TMEM39B: variants seen among roughly 807,000 people sequenced by gnomAD.
The protein encoded by TMEM39B is transmembrane protein 39B.
TMEM39B carries 23 observed loss-of-function variants against 52.2 expected under a neutral mutation model. The observed-to-expected ratio is 0.44, with a 90% confidence interval of 0.32 to 0.62. The LOEUF is 0.62. Ranked by LOEUF, TMEM39B falls within the 20% of genes least tolerant of loss-of-function variation. The pLI is 0.06. For synonymous variants in TMEM39B, 285 were observed against 264.0 expected, an observed-to-expected ratio of 1.08 and a Z score of -0.77; for missense variants, 547 against 642.0, an observed-to-expected ratio of 0.85 and a Z score of 1.60.
chr1:32,090,573 G>C lies in TMEM39B; in HGVS notation c.591-1102G>C, dbSNP rs538749394. On this transcript the variant is annotated intron_variant, in intron 5 of 8. Coordinates refer to ENST00000336294, the MANE Select transcript of TMEM39B (RefSeq NM_018056.4). Reference sequence around the variant, plus strand: ...TCAGGTGATCCTCCTACCTCAGCCTGAGTAGCTGGGACTATAGGCATGTAC... The same window carrying C: ...TCAGGTGATCCTCCTACCTCAGCCTCAGTAGCTGGGACTATAGGCATGTAC... Among the ~76,000 whole-genome samples the C allele has an allele frequency of 2.1e-4, 32 of 152,178 alleles. 1 individual carries two copies. Among genetic ancestry groups the C allele is most frequent in the African/African-American group, 6.7e-4 (28 of 41,538 alleles).
At chr1:32,096,177 G>C (rs1279513381) in intron 7 of TMEM39B, among the ~76,000 whole-genome samples, 1 of 152,006 alleles carries the variant, frequency 6.6e-6, no homozygotes, top group Non-Finnish European at 1.5e-5. Context: ...TGTGTCTTTT[G>C]CTTGGGATGG....
chr1:32,092,851 T>C (rs995671620), intron 6 of TMEM39B, among the ~76,000 whole-genome samples: 1 of 152,176 alleles, frequency 6.6e-6, no homozygotes, highest in Non-Finnish European at 1.5e-5. Flanking sequence ...CTGTCCAAGG[T>C]CACCCAGCCA....
chr1:32,087,341 A>T (rs1640399390), intron 5 of TMEM39B, among the ~76,000 whole-genome samples: 1 of 146,444 alleles, frequency 6.8e-6, no homozygotes. Context: ...AAAAAAAAAA[A>T]GGCCGGGTGC....
intron 5 of TMEM39B, among the ~76,000 whole-genome samples, chr1:32,079,115 T>C (rs569850628): frequency 2.0e-4 from 31 of 152,086 alleles, no homozygotes; most frequent in African/African-American, 7.0e-4. Flanking sequence ...CAGGCTGGAG[T>C]GCAGTGGCTA....
At chr1:32,098,757 C>G (rs1640908653) in intron 7 of TMEM39B, among the ~76,000 whole-genome samples, 1 of 152,008 alleles carries the variant, frequency 6.6e-6, no homozygotes, top group South Asian at 2.1e-4. Context: ...AAAGAAAGCT[C>G]ACCGGTCCTA....
intron 5 of TMEM39B, among the ~76,000 whole-genome samples, chr1:32,088,585 G>A: frequency 8.9e-6 from 1 of 112,880 alleles, no homozygotes; most frequent in African/African-American, 3.4e-5. Context: ...TTTTTTTTCT[G>A]ATACAGATTT....
At chr1:32,097,217 A>G (rs1191758288) in intron 7 of TMEM39B, among the ~76,000 whole-genome samples, 1 of 151,978 alleles carries the variant, frequency 6.6e-6, no homozygotes, top group Non-Finnish European at 1.5e-5. Flanking sequence ...AAATGTCCTC[A>G]TGGCCCTTCC....
intron 5 of TMEM39B, among the ~76,000 whole-genome samples, chr1:32,088,082 C>T (rs1258333336): frequency 2.3e-4 from 34 of 148,250 alleles, no homozygotes; most frequent in African/African-American, 6.2e-4. Flanking sequence ...GCTGAGATCT[C>T]GCCACTGTAC....
At chr1:32,094,762 A>G (rs747651041) in intron 6 of TMEM39B, 22 bp from the exon 7 acceptor site, 2 of 1,613,520 alleles carry the variant, frequency 1.2e-6, no homozygotes, top group Non-Finnish European at 1.7e-6. Flanking sequence ...CCCAGGCCTC[A>G]CCCACCTTCT....
chr1:32,077,299 C>T lies in TMEM39B; in HGVS notation c.571C>T (p.Leu191Phe), dbSNP rs1639907984. 6.2e-7 allele frequency: 1 copy of T among 1,614,178 alleles called. No individual in the cohort carries two copies. Residue 191 changes from leucine (L) to phenylalanine (F), a missense_variant, in exon 5 of 9, where the codon CTC becomes TTC. Coordinates refer to ENST00000336294, the MANE Select transcript of TMEM39B (RefSeq NM_018056.4). ...HLFRTYSFLN[L>F]LFLCYPFGMY... ...CTTCAGGACCTACTCCTTCCTGAAC[C>T]TCCTGTTCCTCTGCTATCCGTGAGT...
At chr1:32,102,400 CT>C in intron 8 of TMEM39B, 30 bp from the exon 9 acceptor site, 1 of 1,602,308 alleles carries the variant, frequency 6.2e-7, no homozygotes, top group Non-Finnish European at 8.5e-7. Flanking sequence ...TGGAGCACAC[CT>C]TTTAGCCATG....
At chr1:32,078,550 A>G (rs1175301225) in intron 5 of TMEM39B, among the ~76,000 whole-genome samples, 2 of 152,240 alleles carry the variant, frequency 1.3e-5, no homozygotes, top group African/African-American at 4.8e-5. Context: ...TAACATGGAA[A>G]AAGAAAGTCC....
At chr1:32,081,563 C>T (rs1640102253) in intron 5 of TMEM39B, among the ~76,000 whole-genome samples, 3 of 152,118 alleles carry the variant, frequency 2.0e-5, no homozygotes. Context: ...GCCTGGCCAT[C>T]ATGGTGAAAC....
At chr1:32,090,893 G>C (rs1334566911) in intron 5 of TMEM39B, among the ~76,000 whole-genome samples, 2 of 152,038 alleles carry the variant, frequency 1.3e-5, no homozygotes, top group East Asian at 1.9e-4. Flanking sequence ...GCCCACCTCA[G>C]CCTCCCAAAG....
At chr1:32,080,665 ACT>A (rs1257187749) in intron 5 of TMEM39B, among the ~76,000 whole-genome samples, 2 of 137,780 alleles carry the variant, frequency 1.5e-5, no homozygotes, top group African/African-American at 5.6e-5. Flanking sequence ...ACAGAGTGAG[ACT>A]CTGTCTCAAA....
chr1:32,097,813 T>A (rs1445905630), intron 7 of TMEM39B, among the ~76,000 whole-genome samples: 1 of 151,788 alleles, frequency 6.6e-6, no homozygotes, highest in Non-Finnish European at 1.5e-5. Flanking sequence ...CCTGGCTAAT[T>A]TTTTGTATTT....
intron 4 of TMEM39B, 85 bp downstream of exon 4, chr1:32,076,931 G>T (rs1639887398): frequency 1.3e-6 from 2 of 1,491,338 alleles, no homozygotes; most frequent in Admixed American, 3.4e-5. Context: ...CAGCCCTTCA[G>T]CCTTAGGGTA....
chr1:32,080,817 A>C (rs1276478531), intron 5 of TMEM39B, among the ~76,000 whole-genome samples: 1 of 152,072 alleles, frequency 6.6e-6, no homozygotes, highest in East Asian at 1.9e-4. Flanking sequence ...ATGTTTATTG[A>C]CCAAATATAA....
Position 32,094,770 on chromosome 1 carries a change from T to C in TMEM39B, c.928-14T>C, listed in dbSNP as rs1217980880. On this transcript the variant is annotated splice_polypyrimidine_tract_variant and intron_variant, in intron 6 of 8. Transcript: ENST00000336294. Reference sequence around the variant, plus strand: ...TGGGGATCCCAGGCCTCACCCACCTTCTGCTACCCCCAGAACACACATTAC... The same window carrying C: ...TGGGGATCCCAGGCCTCACCCACCTCCTGCTACCCCCAGAACACACATTAC... 3.1e-6 allele frequency: 5 copies of C among 1,613,692 alleles called. No individual in the cohort carries two copies. The highest frequency in any genetic ancestry group is 1.7e-4 in the Middle Eastern group (1 of 6,058).
Sources: gnomAD v4.1 joint callset for allele counts (sites outside exome capture counted in the v4.1 genomes callset) on GRCh38, gnomAD v4.1.1 for gene constraint, MANE v1.5 for transcripts, NCBI Gene and HGNC (gene_info 2026-07-23, HGNC 2026-07-21) for gene names.